Variants in NAALADL2 observed in about 807,000 individuals in gnomAD.
NAALADL2 encodes inactive N-acetylated-alpha-linked acidic dipeptidase-like protein 2.
In NAALADL2, 76 loss-of-function variants were observed where a neutral mutation model predicts 87.2. That is an observed-to-expected ratio of 0.87 (90% CI 0.72 to 1.05). NAALADL2 has a LOEUF of 1.05. Among genes scored for constraint, NAALADL2 ranks in the 50% least tolerant of loss-of-function variants. The pLI, the probability that NAALADL2 is intolerant of heterozygous loss-of-function variation, is 0.00. For synonymous variants in NAALADL2, 354 were observed against 331.0 expected (o/e 1.07, Z -0.75); for missense variants, 1,089 against 945.8 (o/e 1.15, Z -1.99).
chr3:175,318,771 T>C (rs1759472075), intron 4 of NAALADL2, among the ~76,000 whole-genome samples: 1 of 152,178 alleles, frequency 6.6e-6, no homozygotes, highest in South Asian at 2.1e-4. Context: ...AATCCCCTCC[T>C]CACCTTTGTA....
chr3:175,689,783 G>A (rs896891847), intron 11 of NAALADL2, among the ~76,000 whole-genome samples: 1 of 152,022 alleles, frequency 6.6e-6, no homozygotes, highest in Non-Finnish European at 1.5e-5. Context: ...ATGTCCACCA[G>A]CTTTAGGCTA....
chr3:175,477,899 C>T (rs1054432213), intron 9 of NAALADL2, among the ~76,000 whole-genome samples: 1 of 151,676 alleles, frequency 6.6e-6, no homozygotes, highest in Admixed American at 6.6e-5. Flanking sequence ...CTTTTTTTTC[C>T]ACAAGAATTG....
In NAALADL2 at chr3:175,794,883, T is replaced by C. The variant is rs1040846997; in HGVS notation, c.2190-8122T>C. ...GTGGCTTAAACAACAGACATTTATT[T>C]CTCACAGTTCTCAGGACTGGGAAGT... On this transcript the variant is annotated intron_variant, in intron 13 of 13. Coordinates refer to ENST00000454872, the MANE Select transcript of NAALADL2 (RefSeq NM_207015.3). 2.0e-5 allele frequency among the ~76,000 whole-genome samples: 3 copies of C among 152,204 alleles called. No individual in the cohort carries two copies. The South Asian group carries it at 6.2e-4, about 31-fold the overall frequency.
chr3:174,546,146 G>T (rs368266432), intron 1 of NAALADL2, among the ~76,000 whole-genome samples: 39 of 152,038 alleles, frequency 2.6e-4, no homozygotes, highest in African/African-American at 8.9e-4. Context: ...ACTATGAAAT[G>T]ATGAGGAGAG....
chr3:175,255,766 GA>G (rs752452253), intron 3 of NAALADL2, among the ~76,000 whole-genome samples: 6 of 152,050 alleles, frequency 3.9e-5, no homozygotes, highest in Non-Finnish European at 8.8e-5. Flanking sequence ...GGGTAACATT[GA>G]GGTCAAATGT....
intron 3 of NAALADL2, among the ~76,000 whole-genome samples, chr3:174,794,981 C>CCT (rs1717906753): frequency 1.5e-5 from 1 of 66,696 alleles, no homozygotes; most frequent in East Asian, 4.5e-4. Flanking sequence ...TCTAGTCCAG[C>CCT]TTTTTTTTTT....
At chr3:175,795,947 T>C (rs1239001790) in intron 13 of NAALADL2, among the ~76,000 whole-genome samples, 1 of 151,900 alleles carries the variant, frequency 6.6e-6, no homozygotes, top group African/African-American at 2.4e-5. Context: ...TGCTGTGAAG[T>C]TGTCTTGGGG....
chr3:175,195,247 C>T (rs578003546), intron 2 of NAALADL2, among the ~76,000 whole-genome samples: 5 of 151,778 alleles, frequency 3.3e-5, no homozygotes, highest in South Asian at 4.2e-4. Flanking sequence ...AGGTATTGCT[C>T]GGAGTGCTAG....
At chr3:174,955,204 C>T (rs1740977198) in intron 1 of NAALADL2, among the ~76,000 whole-genome samples, 2 of 152,096 alleles carry the variant, frequency 1.3e-5, no homozygotes, top group African/African-American at 4.8e-5. Flanking sequence ...TCTTGAAATA[C>T]AACTACAAAT....
chr3:175,227,411 G>A (rs1744309937), intron 2 of NAALADL2, among the ~76,000 whole-genome samples: 1 of 151,956 alleles, frequency 6.6e-6, no homozygotes. Context: ...TATGCTGCCT[G>A]CCAAAACTAC....
chr3:175,482,179 G>A (rs1426474769), intron 9 of NAALADL2, among the ~76,000 whole-genome samples: 1 of 151,944 alleles, frequency 6.6e-6, no homozygotes, highest in African/African-American at 2.4e-5. Context: ...CAGCATGAAT[G>A]TTAAAGTAAT....
At chr3:175,144,543 A>T (rs1730487248) in intron 2 of NAALADL2, among the ~76,000 whole-genome samples, 1 of 151,990 alleles carries the variant, frequency 6.6e-6, no homozygotes, top group South Asian at 2.1e-4. Flanking sequence ...CTTTCTTATG[A>T]TTGCGCAATC....
chr3:174,897,234 A>G (rs1224377550), intron 1 of NAALADL2, among the ~76,000 whole-genome samples: 1 of 152,164 alleles, frequency 6.6e-6, no homozygotes, highest in African/African-American at 2.4e-5. Flanking sequence ...GAGACAACCC[A>G]TAGAATGGGA....
chr3:175,158,226 G>A (rs141904110), intron 2 of NAALADL2, among the ~76,000 whole-genome samples: 1 of 152,094 alleles, frequency 6.6e-6, no homozygotes, highest in Non-Finnish European at 1.5e-5. Flanking sequence ...CAGTGCTTTA[G>A]GCACATTTCA....
At chr3:175,059,591 G>T in intron 1 of NAALADL2, 1 of 323,364 alleles carries the variant, frequency 3.1e-6, no homozygotes, top group South Asian at 3.3e-5. Flanking sequence ...ATCATCCCAC[G>T]GTTTCACATC....
At chr3:175,124,090 A>G (rs1019947855) in intron 2 of NAALADL2, among the ~76,000 whole-genome samples, 1 of 151,898 alleles carries the variant, frequency 6.6e-6, no homozygotes, top group Admixed American at 6.6e-5. Context: ...GGTTAAGTGG[A>G]TTATCTAACT....
chr3:175,212,704 C>A (rs952458036), intron 2 of NAALADL2, among the ~76,000 whole-genome samples: 10 of 151,920 alleles, frequency 6.6e-5, no homozygotes, highest in African/African-American at 2.4e-4. Context: ...TTGTTGGTTA[C>A]CCACTATGAG....
intron 1 of NAALADL2, among the ~76,000 whole-genome samples, chr3:174,975,942 G>A (rs1398759877): frequency 1.3e-5 from 2 of 152,192 alleles, no homozygotes; most frequent in Non-Finnish European, 2.9e-5. Flanking sequence ...GTGAGCTTCT[G>A]AGGGATCAGG....
chr3:174,646,319 T>G (rs1723778711), intron 2 of NAALADL2, among the ~76,000 whole-genome samples: 1 of 152,110 alleles, frequency 6.6e-6, no homozygotes, highest in African/African-American at 2.4e-5. Context: ...TATTAAGTCA[T>G]GGGATAGTAT....
Sources: gnomAD v4.1 joint callset for allele counts (sites outside exome capture counted in the v4.1 genomes callset) on GRCh38, gnomAD v4.1.1 for gene constraint, MANE v1.5 for transcripts, NCBI Gene and HGNC (gene_info 2026-07-23, HGNC 2026-07-21) for gene names.